Variants in BORCS5 observed in about 807,000 individuals in gnomAD.
The protein encoded by BORCS5 is BLOC-1 related complex subunit 5, also known as BLOC-1-related complex subunit 5.
Under a neutral mutation model 22.1 loss-of-function variants are expected in BORCS5, and 17 were observed. That is an observed-to-expected ratio of 0.77 (90% CI 0.53 to 1.15). The LOEUF is 1.15. BORCS5 is among the 50% of genes most tolerant of loss of function. The pLI, the probability that BORCS5 is intolerant of heterozygous loss-of-function variation, is 0.00. For missense variants in BORCS5, 247 were observed against 253.2 expected, an observed-to-expected ratio of 0.98 and a Z score of 0.17; for synonymous variants, 117 against 99.8, an observed-to-expected ratio of 1.17 and a Z score of -1.03.
At chr12:12,459,269 C>G (rs1943058663) in intron 3 of BORCS5, among the ~76,000 whole-genome samples, 1 of 151,754 alleles carries the variant, frequency 6.6e-6, no homozygotes, top group African/African-American at 2.4e-5. Flanking sequence ...TTATGGTTAA[C>G]ACTTTTTGAA....
intron 3 of BORCS5, among the ~76,000 whole-genome samples, chr12:12,463,153 T>G (rs1943141854): frequency 6.6e-6 from 1 of 152,228 alleles, no homozygotes; most frequent in Non-Finnish European, 1.5e-5. Context: ...ACTGGTTTAC[T>G]GCCTACAGTC....
At chr12:12,364,046 ATAAAG>A (rs1365480770) in intron 2 of BORCS5, among the ~76,000 whole-genome samples, 5 of 152,210 alleles carry the variant, frequency 3.3e-5, no homozygotes, top group Non-Finnish European at 5.9e-5. Flanking sequence ...TATTATTACA[ATAAAG>A]TAAACTAGAG....
intron 2 of BORCS5, among the ~76,000 whole-genome samples, chr12:12,387,988 G>A (rs1175856038): frequency 6.6e-6 from 1 of 151,404 alleles, no homozygotes. Flanking sequence ...AACAGACACA[G>A]AACTCTTTCT....
chr12:12,396,507 C>T (rs1941350729), intron 2 of BORCS5, among the ~76,000 whole-genome samples: 1 of 152,148 alleles, frequency 6.6e-6, no homozygotes, highest in South Asian at 2.1e-4. Context: ...GTTTGCAGTT[C>T]TCCTAACTTG....
chr12:12,447,524 C>T (rs1460473753), intron 3 of BORCS5, among the ~76,000 whole-genome samples: 3 of 152,222 alleles, frequency 2.0e-5, no homozygotes, highest in Non-Finnish European at 4.4e-5. Context: ...AGCCATCTAT[C>T]ATCCTGCCCG....
At chr12:12,463,767 A>G (rs1006075686) in intron 3 of BORCS5, among the ~76,000 whole-genome samples, 1 of 152,196 alleles carries the variant, frequency 6.6e-6, no homozygotes, top group African/African-American at 2.4e-5. Flanking sequence ...CCATTTGACA[A>G]GTACCTGTGA....
intron 2 of BORCS5, among the ~76,000 whole-genome samples, chr12:12,420,990 T>C (rs1174723772): frequency 6.6e-6 from 1 of 152,258 alleles, no homozygotes; most frequent in African/African-American, 2.4e-5. Context: ...TCATGTCATC[T>C]GCAAACAGGG....
At chr12:12,413,126 T>TTTC (rs1441491461) in intron 2 of BORCS5, among the ~76,000 whole-genome samples, 1 of 91,738 alleles carries the variant, frequency 1.1e-5, no homozygotes, top group Non-Finnish European at 2.2e-5. Flanking sequence ...TTTTTTTTTT[T>TTTC]TATTGATCAT....
intron 3 of BORCS5, among the ~76,000 whole-genome samples, chr12:12,444,421 T>TA (rs1391111773): frequency 6.6e-6 from 1 of 152,202 alleles, no homozygotes; most frequent in African/African-American, 2.4e-5. Context: ...ACCTTGCTGA[T>TA]AGTGTCCAGT....
At chr12:12,418,462 G>A (rs1398222854) in intron 2 of BORCS5, among the ~76,000 whole-genome samples, 1 of 152,114 alleles carries the variant, frequency 6.6e-6, no homozygotes, top group Admixed American at 6.6e-5. Context: ...GAGACAGGAG[G>A]ATCACTTGAG....
At chr12:12,455,987 A>G (rs1453166071) in intron 3 of BORCS5, among the ~76,000 whole-genome samples, 1 of 152,202 alleles carries the variant, frequency 6.6e-6, no homozygotes, top group Admixed American at 6.5e-5. Context: ...CATTTCATGC[A>G]TATCTACATC....
At chr12:12,406,481 G>A (rs1451907032) in intron 2 of BORCS5, among the ~76,000 whole-genome samples, 1 of 152,192 alleles carries the variant, frequency 6.6e-6, no homozygotes, top group East Asian at 1.9e-4. Flanking sequence ...CCCATGATGA[G>A]TTAACACGTG....
chr12:12,400,718 C>G (rs955344140), intron 2 of BORCS5, among the ~76,000 whole-genome samples: 1 of 152,154 alleles, frequency 6.6e-6, no homozygotes, highest in Non-Finnish European at 1.5e-5. Context: ...AACAACGCCC[C>G]CTCCCCATCC....
chr12:12,406,534 G>A (rs561232059), intron 2 of BORCS5, among the ~76,000 whole-genome samples: 90 of 152,064 alleles, frequency 5.9e-4, no homozygotes, highest in South Asian at 2.5e-3. Context: ...CCTGGCATTA[G>A]TATTTCAGAT....
chr12:12,421,372 A>C (rs1427255401), intron 2 of BORCS5, among the ~76,000 whole-genome samples: 1 of 152,182 alleles, frequency 6.6e-6, no homozygotes, highest in Non-Finnish European at 1.5e-5. Flanking sequence ...GTGTATGTTG[A>C]ACCAGCCTTG....
intron 2 of BORCS5, among the ~76,000 whole-genome samples, chr12:12,382,686 G>A (rs2417185): frequency 0.012 from 1,847 of 150,700 alleles, 72 homozygotes; most frequent in African/African-American, 0.042. Context: ...GCGCGTGCCA[G>A]CATGCCTGTC....
intron 2 of BORCS5, among the ~76,000 whole-genome samples, chr12:12,371,192 G>A (rs1863520825): frequency 6.6e-6 from 1 of 152,138 alleles, no homozygotes; most frequent in Admixed American, 6.5e-5. Context: ...GGTTCTTTTA[G>A]TGAAGGGTCT....
intron 2 of BORCS5, among the ~76,000 whole-genome samples, chr12:12,428,030 A>G (rs1942332302): frequency 6.6e-6 from 1 of 152,158 alleles, no homozygotes; most frequent in Admixed American, 6.5e-5. Context: ...GTTTAATTAT[A>G]CCTTCACAGT....
intron 2 of BORCS5, among the ~76,000 whole-genome samples, chr12:12,423,216 A>G (rs926470641): frequency 1.3e-5 from 2 of 151,930 alleles, no homozygotes; most frequent in African/African-American, 4.8e-5. Flanking sequence ...GTTAGCCAGG[A>G]TGGTCTCAAT....
Sources: allele counts gnomAD v4.1 joint callset (sites outside exome capture counted in the v4.1 genomes callset), GRCh38; gene constraint gnomAD v4.1.1; transcripts MANE v1.5; gene names NCBI Gene and HGNC (gene_info 2026-07-23, HGNC 2026-07-21).